UTRN: variants seen among roughly 807,000 people sequenced by gnomAD.
The protein encoded by UTRN is dystrophin-related protein 1.
A neutral mutation model predicts 463.9 loss-of-function variants in UTRN; 283 were observed. The ratio of observed to expected loss-of-function variants is 0.61; its 90% CI spans 0.55 to 0.67. UTRN has a LOEUF of 0.67. UTRN is among the 30% of genes least tolerant of loss of function. The pLI, the probability that UTRN is intolerant of heterozygous loss-of-function variation, is 0.00. For synonymous variants in UTRN, 1,442 were observed against 1,431.5 expected (o/e 1.01, Z -0.17); for missense variants, 3,922 against 4,084.3 (o/e 0.96, Z 1.08).
rs539859816 is a variant in UTRN at position 144,835,923 on chromosome 6, T to C, written c.9809T>C (p.Leu3270Pro). The C allele has an allele frequency of 3.7e-6, 6 of 1,614,050 alleles. No homozygotes were observed. The highest frequency in any genetic ancestry group is 2.2e-5 in the South Asian group (2 of 91,072). The part of the protein sequence containing the change: ...RGELERIIAD[L>P]EEEQRNLQVE... ...GAACTGGAGAGGATCATTGCTGACC[T>C]GGAGGAAGAACAAAGGTGTGCTAGG... Residue 3270 changes from leucine to proline, a missense_variant, in exon 70 of 75, where the codon CTG becomes CCG. Leu to Pro is a moderately conservative substitution (Grantham distance 98). Transcript: ENST00000367545.
intron 58 of UTRN, among the ~76,000 whole-genome samples, chr6:144,769,623 AC>A (rs1793780943): frequency 6.6e-6 from 1 of 152,224 alleles, no homozygotes; most frequent in Non-Finnish European, 1.5e-5. Flanking sequence ...GTGAAGACCC[AC>A]ACCTGTAATT....
rs915178510 is a variant in UTRN, at chr6:144,390,426, G to A, written c.80-12697G>A. On this transcript the variant is annotated intron_variant, in intron 2 of 74. Coordinates refer to ENST00000367545, the MANE Select transcript of UTRN (RefSeq NM_007124.3). ...CATTTTTCATGTTAATCTCACTAAA[G>A]CACCCTTCTGATCATGTCACGCTCT... Among the ~76,000 whole-genome samples, 26 of 152,184 alleles carry A rather than the reference G, an allele frequency of 1.7e-4. No homozygotes were observed. The Middle Eastern group carries it at 0.01, about 60-fold the overall frequency.
chr6:144,819,607 C>T (rs1005522848), intron 65 of UTRN, among the ~76,000 whole-genome samples: 2 of 152,018 alleles, frequency 1.3e-5, no homozygotes, highest in African/African-American at 4.8e-5. Flanking sequence ...GCACGAGAAT[C>T]GGCTGAACTT....
intron 9 of UTRN, among the ~76,000 whole-genome samples, chr6:144,432,898 T>C (rs1374097309): frequency 6.6e-6 from 1 of 152,152 alleles, no homozygotes; most frequent in Non-Finnish European, 1.5e-5. Context: ...TTAACGAGCA[T>C]GCTGCCTTCT....
chr6:144,844,413 C>T (rs904617818), intron 73 of UTRN, among the ~76,000 whole-genome samples: 1 of 152,056 alleles, frequency 6.6e-6, no homozygotes, highest in East Asian at 1.9e-4. Context: ...GGACTACAGG[C>T]ACATGCCACC....
At chr6:144,376,975 C>T (rs1321278463) in intron 2 of UTRN, among the ~76,000 whole-genome samples, 1 of 152,042 alleles carries the variant, frequency 6.6e-6, no homozygotes, top group Non-Finnish European at 1.5e-5. Flanking sequence ...AATGGAGTGA[C>T]CAAAGCTATA....
chr6:144,744,346 G>T (rs1790451272), intron 54 of UTRN, among the ~76,000 whole-genome samples: 1 of 134,326 alleles, frequency 7.4e-6, no homozygotes, highest in Non-Finnish European at 1.6e-5. Flanking sequence ...GTGTGTGTGT[G>T]TGTGTGTATA....
intron 53 of UTRN, among the ~76,000 whole-genome samples, chr6:144,713,594 A>G (rs1785998646): frequency 6.7e-6 from 1 of 149,838 alleles, no homozygotes; most frequent in Non-Finnish European, 1.5e-5. Context: ...AGCCTGGGCA[A>G]CAAGAGCGAA....
intron 50 of UTRN, among the ~76,000 whole-genome samples, chr6:144,559,306 C>A (rs542647765): frequency 1.3e-5 from 2 of 151,594 alleles, no homozygotes. Context: ...CTGCATTTTC[C>A]GGGGGGTGGA....
intron 51 of UTRN, among the ~76,000 whole-genome samples, chr6:144,618,397 T>C (rs1050185670): frequency 2.6e-5 from 4 of 152,166 alleles, no homozygotes; most frequent in African/African-American, 7.2e-5. Flanking sequence ...TTCTTCAATT[T>C]GTTTGAATAT....
At chr6:144,641,162 G>A (rs1307646933) in intron 51 of UTRN, among the ~76,000 whole-genome samples, 2 of 152,114 alleles carry the variant, frequency 1.3e-5, no homozygotes, top group Non-Finnish European at 2.9e-5. Flanking sequence ...ATGTACCCAA[G>A]GTAGTTGGGG....
Position 144,620,136 on chromosome 6 carries a change from G to C in UTRN, c.7479+42848G>C, listed in dbSNP as rs114883466. 4.1e-3 allele frequency among the ~76,000 whole-genome samples: 620 copies of C among 152,192 alleles called. 4 individuals carry two copies. The highest frequency in any genetic ancestry group is 0.014 in the African/African-American group (581 of 41,532). ...GTTTATATTGAGCCTGGCTTATTTG[G>C]AGTTAGCTTGTAAATTTAATGAGAT... is the stretch of plus-strand genomic sequence containing the variant. On this transcript the variant is annotated intron_variant, in intron 51 of 74. Transcript: ENST00000367545.
chr6:144,621,705 C>A (rs1218902763), intron 51 of UTRN, among the ~76,000 whole-genome samples: 1 of 152,148 alleles, frequency 6.6e-6, no homozygotes, highest in Non-Finnish European at 1.5e-5. Flanking sequence ...TCAGACTCTC[C>A]TTATACCTCA....
At chr6:144,633,707 T>TA (rs1562682429) in intron 51 of UTRN, among the ~76,000 whole-genome samples, 2 of 152,244 alleles carry the variant, frequency 1.3e-5, no homozygotes, top group Non-Finnish European at 2.9e-5. Flanking sequence ...TGCACTACAC[T>TA]AATATTCTAT....
chr6:144,593,027 A>C (rs1803267351), intron 51 of UTRN, among the ~76,000 whole-genome samples: 1 of 152,188 alleles, frequency 6.6e-6, no homozygotes, highest in Non-Finnish European at 1.5e-5. Flanking sequence ...GTAAAATCTG[A>C]ATTTAAAATG....
At chr6:144,734,965 AT>A (rs879335570) in intron 54 of UTRN, among the ~76,000 whole-genome samples, 215 of 150,968 alleles carry the variant, frequency 1.4e-3, no homozygotes, top group Middle Eastern at 6.8e-3. Flanking sequence ...ACAGAGGGTT[AT>A]TTTTTTTTCA....
chr6:144,583,209 A>G, intron 51 of UTRN: 1 of 331,006 alleles, frequency 3.0e-6, no homozygotes, highest in Non-Finnish European at 5.4e-6. Context: ...TGGCTGCTCG[A>G]CAACTTCCTT....
At chr6:144,701,243 C>T (rs948804433) in intron 53 of UTRN, among the ~76,000 whole-genome samples, 2 of 150,968 alleles carry the variant, frequency 1.3e-5, no homozygotes, top group South Asian at 4.2e-4. Flanking sequence ...ATCTTAAATT[C>T]AAAAGGCATC....
rs533365326 is a variant in UTRN at position 144,366,356 on chromosome 6, G to A, written c.80-36767G>A. 2.0e-5 allele frequency among the ~76,000 whole-genome samples: 3 copies of A among 152,210 alleles called. No homozygotes were observed. In the South Asian group the frequency reaches 6.2e-4, roughly 32 times the overall value. ...TGATTATTTCATCACCCAGGTACTA[G>A]GCCTAATAGCCATTGGTTATTTTTC... is the stretch of plus-strand genomic sequence containing the variant. On this transcript the variant is annotated intron_variant, in intron 2 of 74. Transcript: ENST00000367545.
Sources: gnomAD v4.1 joint callset for allele counts (sites outside exome capture counted in the v4.1 genomes callset) on GRCh38, gnomAD v4.1.1 for gene constraint, MANE v1.5 for transcripts, NCBI Gene and HGNC (gene_info 2026-07-23, HGNC 2026-07-21) for gene names.